Variants in OLFML2B observed in about 807,000 individuals in gnomAD.
The protein encoded by OLFML2B is olfactomedin like 2B, also known as olfactomedin-like protein 2B.
OLFML2B carries 57 observed loss-of-function variants against 74.9 expected under a neutral mutation model. That is an observed-to-expected ratio of 0.76 (90% CI 0.61 to 0.95). The LOEUF (loss-of-function observed/expected upper bound fraction) is 0.95, where lower values mean the gene tolerates loss of function less well. Among genes scored for constraint, OLFML2B ranks in the 40% least tolerant of loss-of-function variants. The pLI is 0.00. For missense variants in OLFML2B, 986 were observed against 970.6 expected (o/e 1.02, Z -0.21); for synonymous variants, 388 against 405.8 (o/e 0.96, Z 0.53).
chr1:162,012,672 C>T (rs757079103), intron 3 of OLFML2B, among the ~76,000 whole-genome samples: 14 of 152,200 alleles, frequency 9.2e-5, no homozygotes, highest in South Asian at 4.1e-4. Flanking sequence ...GCAGAAACCA[C>T]GCTATGGAAA....
chr1:161,984,797 C>T lies in OLFML2B; in HGVS notation c.1651+7G>A, dbSNP rs144987949. 6.2e-7 allele frequency: 1 copy of T among 1,612,910 alleles called. No individual in the cohort carries two copies. Among genetic ancestry groups the T allele is most frequent in the East Asian group, 2.2e-5 (1 of 44,850 alleles). On this transcript the variant is annotated splice_region_variant and intron_variant, in intron 7 of 7. Transcript: ENST00000294794. ...GGAGCAGTCTGGGTTGGATCTTTATCATGTACCTTGTTTGAAGTTCTCCAG... is the reference window on the plus strand; with the variant it reads ...GGAGCAGTCTGGGTTGGATCTTTATTATGTACCTTGTTTGAAGTTCTCCAG...
intron 4 of OLFML2B, 64 bp downstream of exon 4, chr1:162,006,233 G>A: frequency 2.1e-6 from 3 of 1,447,828 alleles, no homozygotes; most frequent in South Asian, 2.9e-5. Context: ...CTATGCAGAG[G>A]AGAGATGCTG....
rs1433483378 is a variant in OLFML2B, at chr1:162,019,806, G to A, written c.438+113C>T. On this transcript the variant is annotated intron_variant, in intron 2 of 7. Transcript: ENST00000294794. Reference sequence around the variant, plus strand: ...CTTGATCCACACACAGCACTCTAGGGAACAGGCCTGACCTTCTTCAAAGGG... The same window carrying A: ...CTTGATCCACACACAGCACTCTAGGAAACAGGCCTGACCTTCTTCAAAGGG... 40 of 1,331,464 alleles carry A rather than the reference G, an allele frequency of 3.0e-5. No homozygotes were observed. In the East Asian group the frequency reaches 7.7e-4, roughly 26 times the overall value. 82.5% of individuals were successfully genotyped at this position (1,331,464 alleles called of 1,614,324 possible). A position where few individuals can be genotyped will look rare whatever the true frequency, so the allele number is the denominator to read the frequency against.
intron 5 of OLFML2B, among the ~76,000 whole-genome samples, chr1:161,999,465 G>C (rs1690020906): frequency 1.3e-5 from 2 of 152,190 alleles, no homozygotes. Flanking sequence ...GCAGAAGCAA[G>C]GAGACAGACA....
At chr1:161,988,919 G>C (rs1230137896) in intron 6 of OLFML2B, among the ~76,000 whole-genome samples, 1 of 152,144 alleles carries the variant, frequency 6.6e-6, no homozygotes, top group Non-Finnish European at 1.5e-5. Flanking sequence ...TGTATTTACT[G>C]TCCCAGAGAA....
chr1:162,000,090 C>T (rs369075567), intron 5 of OLFML2B, 23 bp downstream of exon 5: 99 of 1,544,446 alleles, frequency 6.4e-5, no homozygotes, highest in Admixed American at 7.3e-5. Flanking sequence ...GCCTCTGGGG[C>T]GGCCCTGTTG....
At chr1:161,994,124 G>A (rs1165611554) in intron 6 of OLFML2B, among the ~76,000 whole-genome samples, 1 of 152,246 alleles carries the variant, frequency 6.6e-6, no homozygotes, top group African/African-American at 2.4e-5. Context: ...TGAGCAAGTT[G>A]GGTTAGGAGC....
chr1:161,995,205 A>C (rs1446804442), intron 6 of OLFML2B, among the ~76,000 whole-genome samples: 1 of 149,888 alleles, frequency 6.7e-6, no homozygotes. Flanking sequence ...TGTTGAAGCT[A>C]GACAATGCCT....
At chr1:162,003,956 T>C (rs1690150345) in intron 4 of OLFML2B, among the ~76,000 whole-genome samples, 1 of 152,288 alleles carries the variant, frequency 6.6e-6, no homozygotes, top group East Asian at 1.9e-4. Context: ...AGCAGCCTGA[T>C]GAATGGGGAC....
At chr1:162,012,674 C>A (rs1427515132) in intron 3 of OLFML2B, among the ~76,000 whole-genome samples, 1 of 152,152 alleles carries the variant, frequency 6.6e-6, no homozygotes, top group African/African-American at 2.4e-5. Flanking sequence ...AGAAACCACG[C>A]TATGGAAAGC....
intron 6 of OLFML2B, among the ~76,000 whole-genome samples, chr1:161,996,839 G>GT (rs1689920477): frequency 6.6e-6 from 1 of 152,176 alleles, no homozygotes; most frequent in Non-Finnish European, 1.5e-5. Flanking sequence ...CTAACAGTCA[G>GT]GAGGCTTCCC....
chr1:162,001,798 G>GGCT (rs146268058), intron 4 of OLFML2B, among the ~76,000 whole-genome samples: 1,531 of 152,300 alleles, frequency 0.01, 13 homozygotes, highest in Non-Finnish European at 0.015. Context: ...CCTGGATTGA[G>GGCT]GCTCCCTAAT....
At chr1:162,005,047 A>G (rs1203271136) in intron 4 of OLFML2B, among the ~76,000 whole-genome samples, 1 of 152,130 alleles carries the variant, frequency 6.6e-6, no homozygotes, top group East Asian at 1.9e-4. Flanking sequence ...TGCTAATAGG[A>G]CTCTTCAAGT....
rs753370929 is a variant in OLFML2B, at chr1:161,984,227, G to A, written c.1701C>T (p.Gly567=). The A allele has an allele frequency of 7.1e-6, 11 of 1,549,084 alleles. No homozygotes were observed. Among genetic ancestry groups the A allele is most frequent in the Admixed American group, 5.9e-5 (3 of 51,068 alleles). ...YKLPYSWIGT[G]HVVYNGAFYY... The stretch of plus-strand genomic sequence containing the variant: ...AGAAGGCGCCATTGTATACCACGTG[G>A]CCTGTGCCGATCCAGCTGTACGGGA... Residue 567 remains glycine (G), a synonymous_variant, in exon 8 of 8, where the codon GGC becomes GGT. Coordinates refer to ENST00000294794, the MANE Select transcript of OLFML2B (RefSeq NM_015441.3).
chr1:161,984,247 A>AC lies in OLFML2B; in HGVS notation c.1680dup (p.Tyr561ValfsTer43). The AC allele has an allele frequency of 1.3e-6, 2 of 1,524,894 alleles. No individual in the cohort carries two copies. Among genetic ancestry groups the AC allele is most frequent in the Non-Finnish European group, 1.8e-6 (2 of 1,137,574 alleles). The allele number at this position is 1,524,894 out of a possible 1,614,324, so 94.5% of individuals were successfully genotyped here. A position where few individuals can be genotyped will look rare whatever the true frequency, so the allele number is the denominator to read the frequency against. On this transcript the variant is annotated frameshift_variant, in exon 8 of 8. Transcript: ENST00000294794. LOFTEE classifies it high-confidence loss of function. ...ACGTGGCCTGTGCCGATCCAGCTGT[A>AC]CGGGAGCTTGTAGGAATTGCTCCAG...
rs748551662 is a variant in OLFML2B at position 161,984,052 on chromosome 1, C to T, written c.1876G>A (p.Glu626Lys). 3 of 1,614,190 alleles carry T rather than the reference C, an allele frequency of 1.9e-6. No individual in the cohort carries two copies. The highest frequency in any genetic ancestry group is 1.3e-5 in the African/African-American group (1 of 75,068). Residue 626 changes from glutamate to lysine, a missense_variant, in exon 8 of 8, where the codon GAG becomes AAG. Glu to Lys is a moderately conservative substitution (Grantham distance 56). Coordinates refer to ENST00000294794, the MANE Select transcript of OLFML2B (RefSeq NM_015441.3). The part of the protein sequence containing the change: ...GHSDVDFAVD[E>K]NGLWLIYPAL... ...GGGTAGATGAGCCATAGGCCATTCT[C>T]GTCCACAGCAAAGTCCACGTCTGAG...
At chr1:162,004,838 C>T (rs528414523) in intron 4 of OLFML2B, among the ~76,000 whole-genome samples, 29 of 152,338 alleles carry the variant, frequency 1.9e-4, no homozygotes, top group East Asian at 1.2e-3. Context: ...AACGACTCCC[C>T]GAAGCCGAGG....
intron 1 of OLFML2B, among the ~76,000 whole-genome samples, chr1:162,022,952 T>C (rs1368945322): frequency 6.6e-6 from 1 of 152,204 alleles, no homozygotes; most frequent in South Asian, 2.1e-4. Context: ...AGACAAGAGA[T>C]ACTTTTTACA....
At position 161,998,439 on chromosome 1, in the gene OLFML2B, G is replaced by C. The variant is rs972157867; in HGVS notation, c.950-90C>G. On this transcript the variant is annotated intron_variant, in intron 5 of 7. Coordinates refer to ENST00000294794, the MANE Select transcript of OLFML2B (RefSeq NM_015441.3). ...CATGGCAATGAGCAGGTGAATTAGA[G>C]GGTGCCTTTCCTTAACACGACGGCT... 4 of 1,435,960 alleles carry C rather than the reference G, an allele frequency of 2.8e-6. No individual in the cohort carries two copies. The African/African-American group carries it at 5.7e-5, about 21-fold the overall frequency. The allele number at this position is 1,435,960 out of a possible 1,614,324, so 89.0% of individuals were successfully genotyped here.
Sources: allele counts gnomAD v4.1 joint callset (sites outside exome capture counted in the v4.1 genomes callset), GRCh38; gene constraint gnomAD v4.1.1; transcripts MANE v1.5; gene names NCBI Gene and HGNC (gene_info 2026-07-23, HGNC 2026-07-21).